Variants in TNFRSF10C observed in about 807,000 individuals in gnomAD.
TNFRSF10C encodes TNF receptor superfamily member 10c.
In TNFRSF10C, 17 loss-of-function variants were observed where a neutral mutation model predicts 16.7. The observed-to-expected ratio is 1.02, with a 90% CI of 0.70 to 1.53. TNFRSF10C has a LOEUF of 1.53. Among genes scored for constraint, TNFRSF10C ranks in the 40% most tolerant of loss-of-function variants. TNFRSF10C has a pLI of 0.00. For synonymous variants in TNFRSF10C, 73 were observed against 119.7 expected (o/e 0.61, Z 2.55); for missense variants, 237 against 329.7 (o/e 0.72, Z 2.18).
At chr8:23,114,448 G>A (rs1251612928) in intron 2 of TNFRSF10C, 1 of 420,940 alleles carries the variant, frequency 2.4e-6, no homozygotes, top group African/African-American at 2.1e-5. Context: ...TTTGAATTTT[G>A]CATAGAATTT....
rs887858742 is a variant in TNFRSF10C, at chr8:23,117,155, C to T, written c.*124C>T. Reference sequence around the variant, plus strand: ...TCTGCTGTGTTCCCACAGACAGAAACGCCTGCCCCTGCCCCAAGTCCTGGT... The same window carrying T: ...TCTGCTGTGTTCCCACAGACAGAAATGCCTGCCCCTGCCCCAAGTCCTGGT... On this transcript the variant is annotated 3_prime_UTR_variant, in exon 5 of 5. Transcript: ENST00000356864. The T allele has an allele frequency of 2.4e-5, 34 of 1,421,082 alleles. No homozygotes were observed. The highest frequency in any genetic ancestry group is 6.6e-5 in the Admixed American group (3 of 45,550). 88.0% of individuals were successfully genotyped at this position (1,421,082 alleles called of 1,614,324 possible).
intron 2 of TNFRSF10C, 57 bp from the exon 3 acceptor site, chr8:23,114,600 G>T: frequency 6.9e-7 from 1 of 1,446,760 alleles, no homozygotes; most frequent in Non-Finnish European, 9.7e-7. Flanking sequence ...CCCCACCACT[G>T]TCAGCCTCTG....
chr8:23,115,466 A>G (rs764474080), intron 3 of TNFRSF10C, 42 bp from the exon 4 acceptor site: 1 of 1,556,690 alleles, frequency 6.4e-7, no homozygotes, highest in East Asian at 2.3e-5. Context: ...CGAGGGATAC[A>G]TCAGGGAAAC....
chr8:23,116,362 C>T (rs1356472975), intron 4 of TNFRSF10C, among the ~76,000 whole-genome samples: 1 of 152,212 alleles, frequency 6.6e-6, no homozygotes, highest in Non-Finnish European at 1.5e-5. Context: ...TGTGGCTCCT[C>T]CTAACGCAGG....
At chr8:23,103,479 C>T in intron 1 of TNFRSF10C, 1 of 549,386 alleles carries the variant, frequency 1.8e-6, no homozygotes, top group Non-Finnish European at 3.3e-6. Flanking sequence ...GAGTGAGCCT[C>T]CTGAAGACAC....
chr8:23,113,674 A>T (rs555533716), intron 2 of TNFRSF10C, among the ~76,000 whole-genome samples: 14 of 152,280 alleles, frequency 9.2e-5, no homozygotes, highest in African/African-American at 3.4e-4. Context: ...TTGTGCCATT[A>T]CCATTCAGTT....
At position 23,102,984 on chromosome 8, in the gene TNFRSF10C, T is replaced by C. The variant is rs777280278; in HGVS notation, c.-138T>C. On this transcript the variant is annotated 5_prime_UTR_variant, in exon 1 of 5. Transcript: ENST00000356864. Reference sequence around the variant, plus strand: ...TCAGCCAACGATTTCTGATAGATTTTTGGGAGTTTGACCAGAGATGCAAGG... The same window carrying C: ...TCAGCCAACGATTTCTGATAGATTTCTGGGAGTTTGACCAGAGATGCAAGG... The C allele has an allele frequency of 8.5e-6, 13 of 1,531,590 alleles. No homozygotes were observed. Among genetic ancestry groups the C allele is most frequent in the Non-Finnish European group, 1.1e-5 (13 of 1,133,946 alleles). 94.9% of individuals were successfully genotyped at this position (1,531,590 alleles called of 1,614,324 possible).
At chr8:23,115,167 C>T (rs1198409186) in intron 3 of TNFRSF10C, among the ~76,000 whole-genome samples, 1 of 137,918 alleles carries the variant, frequency 7.3e-6, no homozygotes, top group Non-Finnish European at 1.7e-5. Context: ...CCAGCAGGCC[C>T]AGGCTTTGGG....
Position 23,117,150 on chromosome 8 carries a change from A to G in TNFRSF10C, c.*119A>G, listed in dbSNP as rs1227384257. 1.4e-6 allele frequency: 2 copies of G among 1,445,242 alleles called. No homozygotes were observed. Among genetic ancestry groups the G allele is most frequent in the African/African-American group, 1.4e-5 (1 of 70,498 alleles). The allele number at this position is 1,445,242 out of a possible 1,614,324, so 89.5% of individuals were successfully genotyped here. A position where few individuals can be genotyped will look rare whatever the true frequency, so the allele number is the denominator to read the frequency against. Reference sequence around the variant, plus strand: ...CTCCCTCTGCTGTGTTCCCACAGACAGAAACGCCTGCCCCTGCCCCAAGTC... The same window carrying G: ...CTCCCTCTGCTGTGTTCCCACAGACGGAAACGCCTGCCCCTGCCCCAAGTC... On this transcript the variant is annotated 3_prime_UTR_variant, in exon 5 of 5. Coordinates refer to ENST00000356864, the MANE Select transcript of TNFRSF10C (RefSeq NM_003841.5).
intron 3 of TNFRSF10C, 108 bp downstream of exon 3, chr8:23,114,878 A>G (rs1470767898): frequency 1.2e-6 from 1 of 848,024 alleles, no homozygotes; most frequent in African/African-American, 1.7e-5. Context: ...CCTGGTCTTC[A>G]TCACCCTGTT....
Position 23,117,268 on chromosome 8 carries a change from T to A in TNFRSF10C, c.*237T>A. The stretch of plus-strand genomic sequence containing the variant: ...CCAGGACCCTGGTCTCATCAGTCCC[T>A]CTCCTGGAGCTGGGGGTCCACACAT... On this transcript the variant is annotated 3_prime_UTR_variant, in exon 5 of 5. Coordinates refer to ENST00000356864, the MANE Select transcript of TNFRSF10C (RefSeq NM_003841.5). The A allele has an allele frequency of 1.6e-6, 1 of 621,106 alleles. No individual in the cohort carries two copies. Among genetic ancestry groups the A allele is most frequent in the Non-Finnish European group, 2.7e-6 (1 of 368,624 alleles). 38.5% of individuals were successfully genotyped at this position (621,106 alleles called of 1,614,324 possible).
intron 1 of TNFRSF10C, 85 bp downstream of exon 1, chr8:23,103,266 C>T: frequency 6.4e-7 from 1 of 1,555,544 alleles, no homozygotes; most frequent in Non-Finnish European, 8.7e-7. Context: ...GGCAGGGATG[C>T]CTGGCCCTGG....
rs755767093 is a variant in TNFRSF10C at position 23,102,982 on chromosome 8, T to A, written c.-140T>A. ...ACTCAGCCAACGATTTCTGATAGAT[T>A]TTTGGGAGTTTGACCAGAGATGCAA... is the stretch of plus-strand genomic sequence containing the variant. On this transcript the variant is annotated 5_prime_UTR_variant, in exon 1 of 5. Coordinates refer to ENST00000356864, the MANE Select transcript of TNFRSF10C (RefSeq NM_003841.5). The A allele has an allele frequency of 1.3e-5, 20 of 1,530,170 alleles. No individual in the cohort carries two copies. The highest frequency in any genetic ancestry group is 1.7e-5 in the Non-Finnish European group (19 of 1,132,988). 94.8% of individuals were successfully genotyped at this position (1,530,170 alleles called of 1,614,324 possible).
intron 2 of TNFRSF10C, among the ~76,000 whole-genome samples, chr8:23,112,262 C>T (rs923558613): frequency 2.0e-5 from 3 of 152,164 alleles, no homozygotes; most frequent in South Asian, 2.1e-4. Context: ...AGCATATGTG[C>T]GTGGGTTTTA....
At position 23,103,118 on chromosome 8, in the gene TNFRSF10C, T is replaced by C. The variant is rs375556643; in HGVS notation, c.-4T>C. 3 of 1,611,116 alleles carry C rather than the reference T, an allele frequency of 1.9e-6. No individual in the cohort carries two copies. In the African/African-American group the frequency reaches 4.0e-5, roughly 21 times the overall value. On this transcript the variant is annotated 5_prime_UTR_variant, in exon 1 of 5. Coordinates refer to ENST00000356864, the MANE Select transcript of TNFRSF10C (RefSeq NM_003841.5). ...GGACCCAGGACGGCGTCGGGAACCA[T>C]ACCATGGCCCGGATCCCCAAGACCC...
chr8:23,103,408 G>A, intron 1 of TNFRSF10C: 1 of 721,044 alleles, frequency 1.4e-6, no homozygotes, highest in Non-Finnish European at 2.3e-6. Context: ...GCTGCCCCGA[G>A]CCCGCGAAGG....
At chr8:23,112,568 G>A (rs1813898757) in intron 2 of TNFRSF10C, among the ~76,000 whole-genome samples, 1 of 152,184 alleles carries the variant, frequency 6.6e-6, no homozygotes, top group South Asian at 2.1e-4. Flanking sequence ...ATCATGAGGT[G>A]TTTGCCTTTC....
intron 2 of TNFRSF10C, among the ~76,000 whole-genome samples, chr8:23,112,364 A>G (rs1290518663): frequency 6.6e-6 from 1 of 152,210 alleles, no homozygotes; most frequent in Non-Finnish European, 1.5e-5. Context: ...GCAGGACTGT[A>G]CAACACATTG....
At chr8:23,104,612 T>C (rs1318821680) in intron 1 of TNFRSF10C, among the ~76,000 whole-genome samples, 1 of 152,244 alleles carries the variant, frequency 6.6e-6, no homozygotes, top group Non-Finnish European at 1.5e-5. Flanking sequence ...TTTCTTTAAA[T>C]GTTCACGAAT....
Sources: allele counts gnomAD v4.1 joint callset (sites outside exome capture counted in the v4.1 genomes callset), GRCh38; gene constraint gnomAD v4.1.1; transcripts MANE v1.5; gene names NCBI Gene and HGNC (gene_info 2026-07-23, HGNC 2026-07-21).